Variants in KAZN observed in about 807,000 individuals in gnomAD.
KAZN encodes the protein kazrin.
KAZN carries 40 observed loss-of-function variants against 87.4 expected under a neutral mutation model. The observed-to-expected ratio is 0.46, with a 90% CI of 0.36 to 0.60. KAZN has a LOEUF of 0.60. Ranked by LOEUF, KAZN falls within the 20% of genes least tolerant of loss-of-function variation. The pLI, the probability that KAZN is intolerant of heterozygous loss-of-function variation, is 0.00. For synonymous variants in KAZN, 466 were observed against 458.3 expected (o/e 1.02, Z -0.22); for missense variants, 898 against 1,073.9 (o/e 0.84, Z 2.29).
chr1:14,114,851 T>C (rs1413941318), intron 1 of KAZN, among the ~76,000 whole-genome samples: 6 of 152,214 alleles, frequency 3.9e-5, no homozygotes, highest in Admixed American at 3.3e-4. Flanking sequence ...GCAGGTGCTG[T>C]TACCGTTCCC....
chr1:14,991,749 T>G (rs111533474), intron 2 of KAZN, among the ~76,000 whole-genome samples: 2,871 of 152,114 alleles, frequency 0.019, 88 homozygotes, highest in African/African-American at 0.066. Flanking sequence ...ATCCCTAGAG[T>G]CAGCCCTGCA....
At chr1:14,145,919 C>A (rs1645338912) in intron 1 of KAZN, among the ~76,000 whole-genome samples, 1 of 152,202 alleles carries the variant, frequency 6.6e-6, no homozygotes, top group Admixed American at 6.5e-5. Flanking sequence ...TACTTCCTGT[C>A]TTGCACATTA....
At chr1:14,427,554 T>C (rs1461112767) in intron 2 of KAZN, among the ~76,000 whole-genome samples, 1 of 152,088 alleles carries the variant, frequency 6.6e-6, no homozygotes, top group Admixed American at 6.6e-5. Flanking sequence ...TAGACATGTA[T>C]ACTAAATTAA....
intron 1 of KAZN, among the ~76,000 whole-genome samples, chr1:14,928,459 C>CA (rs34982134): frequency 0.3 from 43,553 of 143,864 alleles, 6,688 homozygotes; most frequent in African/African-American, 0.42. Context: ...AAAAAAAAAA[C>CA]AAAAAAAAAG....
chr1:15,080,930 C>T (rs1487034426), intron 8 of KAZN, among the ~76,000 whole-genome samples: 3 of 152,236 alleles, frequency 2.0e-5, no homozygotes, highest in Non-Finnish European at 4.4e-5. Flanking sequence ...ACATGTCCTA[C>T]GATGCACGGG....
intron 1 of KAZN, among the ~76,000 whole-genome samples, chr1:14,736,748 T>C (rs1643922134): frequency 6.6e-6 from 1 of 152,038 alleles, no homozygotes; most frequent in Admixed American, 6.6e-5. Context: ...TGTGCAAGGG[T>C]GAAGGAATAG....
chr1:14,986,083 T>C (rs538926726), intron 2 of KAZN, among the ~76,000 whole-genome samples: 1 of 142,492 alleles, frequency 7.0e-6, no homozygotes, highest in Admixed American at 7.0e-5. Flanking sequence ...TAAAGGACAA[T>C]CAGGAGCCAG....
intron 8 of KAZN, among the ~76,000 whole-genome samples, chr1:15,083,504 T>G (rs2100640928): frequency 6.6e-6 from 1 of 152,276 alleles, no homozygotes; most frequent in Admixed American, 6.5e-5. Flanking sequence ...TAGGCATGAG[T>G]GTCTCTGGTC....
At chr1:14,301,146 A>T (rs1291080840) in intron 2 of KAZN, among the ~76,000 whole-genome samples, 1 of 152,226 alleles carries the variant, frequency 6.6e-6, no homozygotes, top group East Asian at 1.9e-4. Flanking sequence ...TTACACACCC[A>T]GACCATAGGG....
At chr1:15,110,004 TTGTG>T (rs904800642) in intron 13 of KAZN, among the ~76,000 whole-genome samples, 1 of 74,096 alleles carries the variant, frequency 1.3e-5, no homozygotes, top group African/African-American at 4.4e-5. Flanking sequence ...TATATGTGTG[TTGTG>T]TATGTATGTG....
At chr1:14,360,796 T>C (rs1440375440) in intron 2 of KAZN, among the ~76,000 whole-genome samples, 1 of 152,188 alleles carries the variant, frequency 6.6e-6, no homozygotes, top group Non-Finnish European at 1.5e-5. Flanking sequence ...TTGCTGTCTG[T>C]TCCTTCCTCT....
intron 1 of KAZN, among the ~76,000 whole-genome samples, chr1:13,926,157 C>T (rs776490110): frequency 1.3e-5 from 2 of 152,102 alleles, no homozygotes; most frequent in Non-Finnish European, 2.9e-5. Flanking sequence ...AATTCTCTCC[C>T]AAACTGAGTT....
Position 14,489,736 on chromosome 1 carries a change from AAATAATAATAATAAT to A in KAZN, c.250-109225_250-109211del, listed in dbSNP as rs57610968. Among the ~76,000 whole-genome samples, 5 of 144,514 alleles carry A rather than the reference AAATAATAATAATAAT, an allele frequency of 3.5e-5. No homozygotes were observed. In the East Asian group the frequency reaches 8.0e-4, roughly 23 times the overall value. 94.8% of individuals were successfully genotyped at this position (144,514 alleles called of 152,430 possible). On this transcript the variant is annotated intron_variant, in intron 2 of 16. Coordinates refer to the KAZN transcript ENST00000636203. ...GTGACAGAGTAAGACTCTGTCTTAA[AAATAATAATAATAAT>A]AATAATAATAATAATAATAATGAAT...
chr1:14,713,790 A>G (rs1425362151), intron 1 of KAZN, among the ~76,000 whole-genome samples: 1 of 127,130 alleles, frequency 7.9e-6, no homozygotes, highest in South Asian at 3.1e-4. Flanking sequence ...AAAAAAAAAA[A>G]AAAAAAAAAA....
intron 2 of KAZN, among the ~76,000 whole-genome samples, chr1:15,011,718 T>G (rs1313164473): frequency 2.0e-5 from 3 of 152,188 alleles, no homozygotes; most frequent in Non-Finnish European, 4.4e-5. Context: ...GACCTTACTC[T>G]CTTCCATTTG....
chr1:14,276,956 C>T (rs1652404919), intron 2 of KAZN, among the ~76,000 whole-genome samples: 1 of 152,198 alleles, frequency 6.6e-6, no homozygotes, highest in African/African-American at 2.4e-5. Context: ...TCCGCCTATA[C>T]ATTAATCAAG....
rs142777278 is a variant in KAZN at position 15,057,538 on chromosome 1, C to G, written c.916+1258C>G. Among the ~76,000 whole-genome samples, 845 of 152,334 alleles carry G rather than the reference C, an allele frequency of 5.5e-3. 5 individuals carry two copies. The highest frequency in any genetic ancestry group is 0.02 in the African/African-American group (811 of 41,580). ...AGACAGTAAGCAAATTCAGAGTCTTCCCTTCCCATTGAGTGGGATAGCAGC... is the reference window on the plus strand; with the variant it reads ...AGACAGTAAGCAAATTCAGAGTCTTGCCTTCCCATTGAGTGGGATAGCAGC... On this transcript the variant is annotated intron_variant, in intron 5 of 14. Coordinates refer to ENST00000376030, the MANE Select transcript of KAZN (RefSeq NM_201628.3).
chr1:14,077,048 G>T (rs1350957838), intron 1 of KAZN, among the ~76,000 whole-genome samples: 1 of 152,090 alleles, frequency 6.6e-6, no homozygotes, highest in Non-Finnish European at 1.5e-5. Context: ...TTTACTTCCT[G>T]ATTGCTCTTC....
At chr1:14,521,191 A>C (rs900194547) in intron 2 of KAZN, among the ~76,000 whole-genome samples, 1 of 152,148 alleles carries the variant, frequency 6.6e-6, no homozygotes, top group South Asian at 2.1e-4. Flanking sequence ...GCTTGGGGGC[A>C]GGGGTCTGAT....
Sources: gnomAD v4.1 joint callset for allele counts (sites outside exome capture counted in the v4.1 genomes callset) on GRCh38, gnomAD v4.1.1 for gene constraint, MANE v1.5 for transcripts, NCBI Gene and HGNC (gene_info 2026-07-23, HGNC 2026-07-21) for gene names.